SLC44A3: variants seen among roughly 807,000 people sequenced by gnomAD.
SLC44A3 encodes the protein solute carrier family 44 member 3, also known as choline transporter-like protein 3.
SLC44A3 carries 74 observed loss-of-function variants against 75.4 expected under a neutral mutation model. The ratio of observed to expected loss-of-function variants is 0.98; its 90% CI spans 0.81 to 1.19. SLC44A3 has a LOEUF of 1.19. SLC44A3 is among the 50% of genes most tolerant of loss of function. The pLI, the probability that SLC44A3 is intolerant of heterozygous loss-of-function variation, is 0.00. For missense variants in SLC44A3, 700 were observed against 778.6 expected (o/e 0.90, Z 1.20); for synonymous variants, 310 against 296.9 (o/e 1.04, Z -0.45).
At position 94,867,365 on chromosome 1, in the gene SLC44A3, G is replaced by A; in HGVS notation, c.1430G>A (p.Cys477Tyr). Residue 477 changes from cysteine (C) to tyrosine (Y), a missense_variant, in exon 12 of 15, where the codon TGC becomes TAC. Coordinates refer to ENST00000271227, the MANE Select transcript of SLC44A3 (RefSeq NM_001114106.3). Reference sequence around the variant, plus strand: ...GCATTGTCCAGGTACCTGTTCCGATGCTGCTACTGCTGTTTCTGGTGTCTT... The same window carrying A: ...GCATTGTCCAGGTACCTGTTCCGATACTGCTACTGCTGTTTCTGGTGTCTT... ...HGALSRYLFRCCYCCFWCLDK... is the reference protein window; with the variant it reads ...HGALSRYLFRYCYCCFWCLDK... 2 of 1,602,976 alleles carry A rather than the reference G, an allele frequency of 1.2e-6. No homozygotes were observed. Among genetic ancestry groups the A allele is most frequent in the South Asian group, 1.1e-5 (1 of 89,338 alleles).
chr1:94,885,986 A>G (rs1669542926), intron 12 of SLC44A3, among the ~76,000 whole-genome samples: 1 of 152,194 alleles, frequency 6.6e-6, no homozygotes, highest in Non-Finnish European at 1.5e-5. Context: ...TAAGGCATCC[A>G]CCGAGGTGGG....
At chr1:94,848,228 C>CAA (rs11372681) in intron 9 of SLC44A3, among the ~76,000 whole-genome samples, 19,841 of 138,854 alleles carry the variant, frequency 0.14, 1,492 homozygotes, top group Middle Eastern at 0.23. Flanking sequence ...GACTCTGTCT[C>CAA]AAAAAAAAAA....
intron 9 of SLC44A3, among the ~76,000 whole-genome samples, chr1:94,856,840 C>T (rs1240417278): frequency 6.6e-6 from 1 of 152,106 alleles, no homozygotes; most frequent in Non-Finnish European, 1.5e-5. Context: ...AAGAGATTCT[C>T]CTGTCTCAGC....
chr1:94,889,856 CT>C (rs1198019433), intron 12 of SLC44A3, among the ~76,000 whole-genome samples: 70 of 146,840 alleles, frequency 4.8e-4, no homozygotes, highest in Admixed American at 5.4e-4. Flanking sequence ...TTATTTCTAG[CT>C]TTTTTTTTTT....
At chr1:94,890,774 G>A (rs1374222568) in intron 12 of SLC44A3, among the ~76,000 whole-genome samples, 1 of 152,166 alleles carries the variant, frequency 6.6e-6, no homozygotes, top group African/African-American at 2.4e-5. Flanking sequence ...TTGAGCCCAG[G>A]AGGCAGAGGT....
chr1:94,891,697 C>G (rs1557897846), intron 13 of SLC44A3, among the ~76,000 whole-genome samples: 1 of 152,126 alleles, frequency 6.6e-6, no homozygotes, highest in Non-Finnish European at 1.5e-5. Flanking sequence ...CCGAGGCAGG[C>G]AGATCACTTG....
intron 12 of SLC44A3, among the ~76,000 whole-genome samples, chr1:94,877,141 C>T (rs554977963): frequency 2.6e-5 from 4 of 151,632 alleles, no homozygotes; most frequent in East Asian, 1.9e-4. Context: ...AAAAAAAGGT[C>T]GGGGGCAGAC....
intron 9 of SLC44A3, among the ~76,000 whole-genome samples, chr1:94,846,786 A>C (rs1664460717): frequency 6.6e-6 from 1 of 152,256 alleles, no homozygotes; most frequent in South Asian, 2.1e-4. Flanking sequence ...GCTGATGTCA[A>C]ATCAGCAAGG....
rs1670288642 is a variant in SLC44A3, at chr1:94,892,160, T to C, written c.1621-121T>C. On this transcript the variant is annotated intron_variant, in intron 13 of 14. Coordinates refer to ENST00000271227, the MANE Select transcript of SLC44A3 (RefSeq NM_001114106.3). ...CTGCCAAAATTTCTGACAAGCATTC[T>C]TTACAATAGTGCACACACACGTTGC... is the stretch of plus-strand genomic sequence containing the variant. 3 of 922,208 alleles carry C rather than the reference T, an allele frequency of 3.3e-6. No individual in the cohort carries two copies. In the Middle Eastern group the frequency reaches 6.8e-4, roughly 209 times the overall value. 57.1% of individuals were successfully genotyped at this position (922,208 alleles called of 1,614,324 possible). A position where few individuals can be genotyped will look rare whatever the true frequency, so the allele number is the denominator to read the frequency against.
intron 4 of SLC44A3, 43 bp from the exon 5 acceptor site, chr1:94,828,450 T>C: frequency 6.5e-7 from 1 of 1,536,092 alleles, no homozygotes; most frequent in Non-Finnish European, 8.9e-7. Context: ...CCTTACTGAC[T>C]CACCTGGAAA....
chr1:94,892,624 A>G, intron 14 of SLC44A3, 107 bp downstream of exon 14: 1 of 1,092,310 alleles, frequency 9.2e-7, no homozygotes, highest in South Asian at 1.5e-5. Context: ...TCTCTTCTAG[A>G]GGGCTCTGAG....
chr1:94,865,100 G>A (rs1408236182), intron 11 of SLC44A3, among the ~76,000 whole-genome samples: 2 of 152,208 alleles, frequency 1.3e-5, no homozygotes, highest in East Asian at 1.9e-4. Context: ...TTTGTTTATG[G>A]TTTTGTTTAT....
chr1:94,857,445 C>G lies in SLC44A3; in HGVS notation c.1183C>G (p.Leu395Val). The change falls in exon 10 of 15, where the codon CTT (leucine) becomes GTT (valine). Residue 395 changes from leucine to valine, a missense_variant. By Grantham distance (32) the Leu-to-Val change is conservative. Coordinates refer to ENST00000271227, the MANE Select transcript of SLC44A3 (RefSeq NM_001114106.3). ...IGLIWTSEFILACQQMTIAGA... is the reference protein window; with the variant it reads ...IGLIWTSEFIVACQQMTIAGA... ...CCTCATCTGGACTAGTGAATTCATC[C>G]TTGCGTGCCAGCAAATGACTATAGC... The G allele has an allele frequency of 4.3e-6, 7 of 1,613,964 alleles. No individual in the cohort carries two copies. Among genetic ancestry groups the G allele is most frequent in the Non-Finnish European group, 5.9e-6 (7 of 1,179,968 alleles).
chr1:94,892,474 A>T lies in SLC44A3; in HGVS notation c.1814A>T (p.Asp605Val). The T allele has an allele frequency of 6.2e-7, 1 of 1,614,230 alleles. No individual in the cohort carries two copies. The highest frequency in any genetic ancestry group is 8.5e-7 in the Non-Finnish European group (1 of 1,180,048). Residue 605 changes from aspartate (D) to valine (V), a missense_variant, in exon 14 of 15, where the codon GAT becomes GTT. By Grantham distance (152) the Asp-to-Val change is radical. Coordinates refer to ENST00000271227, the MANE Select transcript of SLC44A3 (RefSeq NM_001114106.3). ...TTTGCTGTTGATCTGGAAACAAATG[A>T]TGGATCGTCAGAAAAGCCCTACTTT... Reference protein sequence around the residue: ...LCFAVDLETNDGSSEKPYFMD... With the variant: ...LCFAVDLETNVGSSEKPYFMD...
intron 12 of SLC44A3, among the ~76,000 whole-genome samples, chr1:94,881,198 G>A (rs1190985688): frequency 2.6e-5 from 4 of 152,154 alleles, no homozygotes; most frequent in Non-Finnish European, 5.9e-5. Context: ...CTGTCACCAG[G>A]CCTTCACCAA....
At chr1:94,863,846 C>G (rs1444252931) in intron 10 of SLC44A3, among the ~76,000 whole-genome samples, 1 of 152,220 alleles carries the variant, frequency 6.6e-6, no homozygotes, top group Admixed American at 6.5e-5. Context: ...TCTCTCAAAA[C>G]CTAGGCTGCT....
At chr1:94,834,575 C>T (rs1662533977) in intron 5 of SLC44A3, among the ~76,000 whole-genome samples, 1 of 151,986 alleles carries the variant, frequency 6.6e-6, no homozygotes, top group Non-Finnish European at 1.5e-5. Context: ...ACCTGTGCCT[C>T]CCGGGTTCAA....
intron 10 of SLC44A3, among the ~76,000 whole-genome samples, chr1:94,862,385 G>A (rs867655430): frequency 7.2e-5 from 11 of 152,218 alleles, no homozygotes; most frequent in Middle Eastern, 3.2e-3. Context: ...TTGTCTCTAG[G>A]ACCATGATGC....
At chr1:94,821,230 C>T (rs978437625) in intron 2 of SLC44A3, among the ~76,000 whole-genome samples, 174 bp downstream of exon 2, 1 of 152,150 alleles carries the variant, frequency 6.6e-6, no homozygotes, top group African/African-American at 2.4e-5. Flanking sequence ...GCTAGAAAGG[C>T]TGTCTTTTTG....
Sources: allele counts gnomAD v4.1 joint callset (sites outside exome capture counted in the v4.1 genomes callset), GRCh38; gene constraint gnomAD v4.1.1; transcripts MANE v1.5; gene names NCBI Gene and HGNC (gene_info 2026-07-23, HGNC 2026-07-21).